The following PSMG1 variants were observed in gnomAD, a reference collection of about 807,000 sequenced individuals.
PSMG1 encodes the protein Down syndrome critical region gene 2.
In PSMG1, 23 loss-of-function variants were observed where a neutral mutation model predicts 37.2. The ratio of observed to expected loss-of-function variants is 0.62; its 90% CI spans 0.44 to 0.88. PSMG1 has a LOEUF of 0.88. PSMG1 is among the 40% of genes least tolerant of loss of function. The pLI is 0.00. For missense variants in PSMG1, 340 were observed against 344.2 expected, an observed-to-expected ratio of 0.99 and a Z score of 0.10; for synonymous variants, 127 against 128.0, an observed-to-expected ratio of 0.99 and a Z score of 0.05.
intron 2 of PSMG1, 86 bp from the exon 3 acceptor site, chr21:39,180,522 G>C: frequency 4.4e-6 from 6 of 1,350,114 alleles, no homozygotes; most frequent in Non-Finnish European, 4.9e-6. Flanking sequence ...AGTTACTGTA[G>C]AATTTGAGAG....
At chr21:39,178,395 T>C (rs986790049) in intron 5 of PSMG1, 54 bp downstream of exon 5, 15 of 1,502,722 alleles carry the variant, frequency 1.0e-5, no homozygotes, top group African/African-American at 8.3e-5. Context: ...TGGTGAAAAG[T>C]AGTATCAATA....
In PSMG1 at chr21:39,175,478, T is replaced by G; in HGVS notation, c.*112A>C. 1 of 1,375,482 alleles carries G rather than the reference T, an allele frequency of 7.3e-7. No individual in the cohort carries two copies. The highest frequency in any genetic ancestry group is 9.5e-7 in the Non-Finnish European group (1 of 1,057,250). 85.2% of individuals were successfully genotyped at this position (1,375,482 alleles called of 1,614,324 possible). A position where few individuals can be genotyped will look rare whatever the true frequency, so the allele number is the denominator to read the frequency against. ...TACAATTAATTTTTTACAATTTTAT[T>G]CCGTTTCATCATTCTCAAAATATAT... On this transcript the variant is annotated 3_prime_UTR_variant, in exon 7 of 7. Transcript: ENST00000331573.
Position 39,183,450 on chromosome 21 carries a change from A to C in PSMG1, c.-65T>G. On this transcript the variant is annotated 5_prime_UTR_variant, in exon 1 of 7. Coordinates refer to ENST00000331573, the MANE Select transcript of PSMG1 (RefSeq NM_003720.4). ...GGGACCGCACGCCGGCTTGCGCGAG[A>C]CCACGCTCCCTCACCGCGCGGGCAA... 2 of 1,499,404 alleles carry C rather than the reference A, an allele frequency of 1.3e-6. No homozygotes were observed. The highest frequency in any genetic ancestry group is 8.9e-7 in the Non-Finnish European group (1 of 1,127,300). The allele number at this position is 1,499,404 out of a possible 1,614,324, so 92.9% of individuals were successfully genotyped here.
At chr21:39,180,135 AAC>A (rs1283490974) in intron 3 of PSMG1, 148 bp downstream of exon 3, 8 of 1,237,882 alleles carry the variant, frequency 6.5e-6, no homozygotes. Flanking sequence ...TTTAAAATTT[AAC>A]AGTCAAACCA....
Position 39,178,487 on chromosome 21 carries a change from A to G in PSMG1, c.617T>C (p.Leu206Pro), listed in dbSNP as rs1214633979. Residue 206 changes from leucine to proline, a missense_variant, in exon 5 of 7, where the codon CTA becomes CCA. Coordinates refer to ENST00000331573, the MANE Select transcript of PSMG1 (RefSeq NM_003720.4). ...GTCGTGTACTATATTCGGTTGTTCT[A>G]GCAATGGACAACACGCCGAGTCTTT... ...NFKDSACCPL[L>P]EQPNIVHDLP... 6.2e-7 allele frequency: 1 copy of G among 1,614,008 alleles called. No homozygotes were observed. The highest frequency in any genetic ancestry group is 8.5e-7 in the Non-Finnish European group (1 of 1,179,962).
At chr21:39,177,676 G>T in intron 5 of PSMG1, 105 bp from the exon 6 acceptor site, 1 of 882,044 alleles carries the variant, frequency 1.1e-6, no homozygotes, top group Non-Finnish European at 1.5e-6. Flanking sequence ...AGTTATCTCA[G>T]CTGCCTCTTT....
In PSMG1 at chr21:39,179,950, C is replaced by A. The variant is rs1177683273; in HGVS notation, c.430G>T (p.Asp144Tyr). ...LCQCSCYVAE[D>Y]QQYQWLEKVF... is the part of the protein sequence containing the mutation. The stretch of plus-strand genomic sequence containing the variant: ...TTTTCCAGCCACTGATACTGTTGAT[C>A]TTCTGCAACATAGCAACTGCACTGA... The change falls in exon 4 of 7, where the codon GAT becomes TAT. Residue 144 changes from aspartate to tyrosine, a missense_variant. Transcript: ENST00000331573. 1 of 1,613,002 alleles carries A rather than the reference C, an allele frequency of 6.2e-7. No homozygotes were observed. The highest frequency in any genetic ancestry group is 8.5e-7 in the Non-Finnish European group (1 of 1,179,972).
chr21:39,178,640 C>G lies in PSMG1; in HGVS notation c.464G>C (p.Gly155Ala). 1 of 1,607,256 alleles carries G rather than the reference C, an allele frequency of 6.2e-7. No individual in the cohort carries two copies. Among genetic ancestry groups the G allele is most frequent in the Non-Finnish European group, 8.5e-7 (1 of 1,177,814 alleles). The change falls in exon 5 of 7, where the codon GGC becomes GCC. Residue 155 changes from glycine to alanine, a missense_variant. Gly to Ala is a moderately conservative substitution (Grantham distance 60). Transcript: ENST00000331573. Reference sequence around the variant, plus strand: ...CTGCATGTTCTTCCTTGGACAAGAGCCAAAAACCTAACATAAAATTTATTT... The same window carrying G: ...CTGCATGTTCTTCCTTGGACAAGAGGCAAAAACCTAACATAAAATTTATTT... ...QQYQWLEKVFGSCPRKNMQIT... is the reference protein window; with the variant it reads ...QQYQWLEKVFASCPRKNMQIT...
In PSMG1 at chr21:39,177,452, A is replaced by T; in HGVS notation, c.775T>A (p.Leu259Met). 6.3e-7 allele frequency: 1 copy of T among 1,597,822 alleles called. No individual in the cohort carries two copies. The highest frequency in any genetic ancestry group is 8.5e-7 in the Non-Finnish European group (1 of 1,174,530). Residue 259 changes from leucine (L) to methionine (M), a missense_variant, in exon 6 of 7, where the codon TTG (leucine) becomes ATG (methionine). Leu to Met is a conservative substitution (Grantham distance 15). Coordinates refer to ENST00000331573, the MANE Select transcript of PSMG1 (RefSeq NM_003720.4). ...AFKPILSTRS[L>M]KGLVKNIPQS... ...AACCTTACCTTAACCAAACCCTTCA[A>T]GCTTCTGGTAGAAAGTATAGGCTTA...
chr21:39,183,290 G>T lies in PSMG1; in HGVS notation c.96C>A (p.Pro32=), dbSNP rs371137353. The T allele has an allele frequency of 1.3e-6, 2 of 1,587,972 alleles. No homozygotes were observed. The highest frequency in any genetic ancestry group is 1.7e-6 in the Non-Finnish European group (2 of 1,170,212). Residue 32 remains proline, a synonymous_variant, in exon 1 of 7, where the codon CCC becomes CCA. Transcript: ENST00000331573. ...EEEEEGRRET[P]EDREVRLQLA... The stretch of plus-strand genomic sequence containing the variant: ...GCTGCAGACGCACCTCCCTGTCCTC[G>T]GGCGTCTCCCTCCGCCCCTCCTCCT...
At chr21:39,183,216 T>G in intron 1 of PSMG1, 36 bp downstream of exon 1, 1 of 1,534,114 alleles carries the variant, frequency 6.5e-7, no homozygotes, top group Non-Finnish European at 8.8e-7. Context: ...ACCTTCCAGC[T>G]GCGGTGAGCG....
intron 1 of PSMG1, among the ~76,000 whole-genome samples, chr21:39,182,637 G>C (rs2030887945): frequency 6.6e-6 from 1 of 152,214 alleles, no homozygotes; most frequent in South Asian, 2.1e-4. Context: ...GCTTAGGAGT[G>C]GCGGGAGAGA....
chr21:39,175,751 A>C, intron 6 of PSMG1, 87 bp from the exon 7 acceptor site: 24 of 839,314 alleles, frequency 2.9e-5, no homozygotes, highest in Non-Finnish European at 3.6e-5. Context: ...AACAATCTCC[A>C]CACTCGAGAC....
intron 6 of PSMG1, among the ~76,000 whole-genome samples, chr21:39,177,045 G>A (rs73355898): frequency 0.018 from 2,742 of 152,238 alleles, 79 homozygotes; most frequent in African/African-American, 0.063. Context: ...ACAGTTCTCT[G>A]TAAAATTGGG....
At chr21:39,183,111 C>A in intron 1 of PSMG1, 141 bp downstream of exon 1, 3 of 1,096,182 alleles carry the variant, frequency 2.7e-6, no homozygotes, top group Non-Finnish European at 3.7e-6. Flanking sequence ...GACCCAGGGC[C>A]CAAGCAGAGC....
chr21:39,175,393 A>G lies in PSMG1; in HGVS notation c.*197T>C. The G allele has an allele frequency of 5.7e-6, 4 of 699,596 alleles. No individual in the cohort carries two copies. Among genetic ancestry groups the G allele is most frequent in the Non-Finnish European group, 7.8e-6 (4 of 510,320 alleles). 43.3% of individuals were successfully genotyped at this position (699,596 alleles called of 1,614,324 possible). A position where few individuals can be genotyped will look rare whatever the true frequency, so the allele number is the denominator to read the frequency against. Reference sequence around the variant, plus strand: ...ACAATACTCCCACCTAGTGGATAAAAGGAAAATGCTTGGCTTATTTTGGTT... The same window carrying G: ...ACAATACTCCCACCTAGTGGATAAAGGGAAAATGCTTGGCTTATTTTGGTT... On this transcript the variant is annotated 3_prime_UTR_variant, in exon 7 of 7. Coordinates refer to ENST00000331573, the MANE Select transcript of PSMG1 (RefSeq NM_003720.4).
chr21:39,179,826 A>G, intron 4 of PSMG1, 98 bp downstream of exon 4: 2 of 995,584 alleles, frequency 2.0e-6, no homozygotes, highest in Non-Finnish European at 2.9e-6. Flanking sequence ...AAAGAAATAA[A>G]TATCTGACTG....
chr21:39,181,624 G>C, intron 2 of PSMG1, 148 bp downstream of exon 2: 4 of 474,454 alleles, frequency 8.4e-6, no homozygotes, highest in Non-Finnish European at 1.4e-5. Flanking sequence ...TGATGCAACA[G>C]GAACAGGAGA....
chr21:39,178,422 T>G, intron 5 of PSMG1, 27 bp downstream of exon 5: 1 of 1,576,514 alleles, frequency 6.3e-7, no homozygotes, highest in Non-Finnish European at 8.7e-7. Context: ...TAAGATAGAA[T>G]GTAAATGTTA....
Sources: gnomAD v4.1 joint callset for allele counts (sites outside exome capture counted in the v4.1 genomes callset) on GRCh38, gnomAD v4.1.1 for gene constraint, MANE v1.5 for transcripts, NCBI Gene and HGNC (gene_info 2026-07-23, HGNC 2026-07-21) for gene names.